Variants in SNX29 observed in about 807,000 individuals in gnomAD.
The protein encoded by SNX29 is sorting nexin-29.
SNX29 carries 78 observed loss-of-function variants against 102.1 expected under a neutral mutation model. That is an observed-to-expected ratio of 0.76 (90% CI 0.64 to 0.92). The LOEUF is 0.92. Ranked by LOEUF, SNX29 falls within the 40% of genes least tolerant of loss-of-function variation. The pLI, the probability that SNX29 is intolerant of heterozygous loss-of-function variation, is 0.00. For missense variants in SNX29, 1,280 were observed against 1,061.7 expected (o/e 1.21, Z -2.86); for synonymous variants, 580 against 414.5 (o/e 1.40, Z -4.85).
rs1360163433 is a variant in SNX29, at chr16:11,990,628, C to T, written c.8-8669C>T. The stretch of plus-strand genomic sequence containing the variant: ...ACTAAAGTCATCATTGGGCTGGTAG[C>T]GCCGGGCATCCCAGATGCCCGCCAG... On this transcript the variant is annotated intron_variant, in intron 1 of 20. Transcript: ENST00000566228. Among the ~76,000 whole-genome samples, 9 of 152,160 alleles carry T rather than the reference C, an allele frequency of 5.9e-5. No homozygotes were observed. In the East Asian group the frequency reaches 1.5e-3, roughly 26 times the overall value.
intron 14 of SNX29, among the ~76,000 whole-genome samples, chr16:12,208,635 G>A: frequency 6.6e-6 from 1 of 152,100 alleles, no homozygotes; most frequent in Admixed American, 6.5e-5. Flanking sequence ...CTGTGCCACT[G>A]CACTGTAGTC....
At chr16:12,565,044 C>T (rs761524431) in intron 20 of SNX29, among the ~76,000 whole-genome samples, 21 of 152,110 alleles carry the variant, frequency 1.4e-4, no homozygotes, top group Non-Finnish European at 2.5e-4. Flanking sequence ...CTGGCACTGG[C>T]TTCATTCCCC....
intron 3 of SNX29, among the ~76,000 whole-genome samples, chr16:12,022,919 C>G (rs1940968321): frequency 7.1e-6 from 1 of 140,118 alleles, no homozygotes; most frequent in Non-Finnish European, 1.5e-5. Flanking sequence ...TTTTTTGAGA[C>G]CAAGTCTCTC....
Position 12,572,546 on chromosome 16 carries a change from C to G in SNX29, c.*3917C>G. ...AAGCCCCCACAGGGGGCTGCGACAC[C>G]ATCTGGCTCCTCACAGGGAGGTCCA... On this transcript the variant is annotated 3_prime_UTR_variant, in exon 21 of 21. Transcript: ENST00000566228. The G allele has an allele frequency of 9.4e-7, 1 of 1,063,540 alleles. No individual in the cohort carries two copies. Among genetic ancestry groups the G allele is most frequent in the Non-Finnish European group, 1.1e-6 (1 of 878,128 alleles). 65.9% of individuals were successfully genotyped at this position (1,063,540 alleles called of 1,614,324 possible).
intron 13 of SNX29, among the ~76,000 whole-genome samples, chr16:12,186,678 G>A (rs1164488142): frequency 6.6e-6 from 1 of 152,176 alleles, no homozygotes; most frequent in South Asian, 2.1e-4. Context: ...TTAATCTGGG[G>A]AACACCTCCA....
chr16:12,168,003 C>A (rs1015203221), intron 13 of SNX29, among the ~76,000 whole-genome samples: 1 of 152,186 alleles, frequency 6.6e-6, no homozygotes, highest in East Asian at 1.9e-4. Context: ...TCAGCCAGCA[C>A]GCTGCGCTGG....
At chr16:12,313,126 G>T (rs1400901521) in intron 15 of SNX29, among the ~76,000 whole-genome samples, 2 of 151,976 alleles carry the variant, frequency 1.3e-5, no homozygotes, top group Admixed American at 1.3e-4. Context: ...TGATTCTCCT[G>T]CCTCAGCCTC....
At chr16:12,094,871 A>T (rs1343573351) in intron 11 of SNX29, among the ~76,000 whole-genome samples, 1 of 151,762 alleles carries the variant, frequency 6.6e-6, no homozygotes, top group Admixed American at 6.6e-5. Flanking sequence ...CTTTTTTTTT[A>T]AAACCTCTCG....
At chr16:12,555,588 G>C (rs545975765) in intron 20 of SNX29, among the ~76,000 whole-genome samples, 36 of 151,756 alleles carry the variant, frequency 2.4e-4, no homozygotes, top group Non-Finnish European at 4.0e-4. Context: ...ATTTCTCCCT[G>C]TACCCAGCAG....
intron 3 of SNX29, among the ~76,000 whole-genome samples, chr16:12,009,648 C>T (rs1258911654): frequency 5.3e-5 from 8 of 151,952 alleles, no homozygotes; most frequent in African/African-American, 1.5e-4. Context: ...TGGTGGCAGC[C>T]GCTGGGCTCT....
At chr16:12,550,089 C>G (rs187107048) in intron 20 of SNX29, among the ~76,000 whole-genome samples, 1 of 152,176 alleles carries the variant, frequency 6.6e-6, no homozygotes, top group Non-Finnish European at 1.5e-5. Flanking sequence ...AGTTTGCCAA[C>G]CTATGGGCTA....
chr16:12,231,698 TC>T (rs1217598844), intron 14 of SNX29, among the ~76,000 whole-genome samples: 1 of 152,170 alleles, frequency 6.6e-6, no homozygotes, highest in Non-Finnish European at 1.5e-5. Flanking sequence ...TTTTCTGACT[TC>T]TGTTTCGGGT....
chr16:12,524,787 A>C lies in SNX29; in HGVS notation c.2264A>C (p.Glu755Ala). Residue 755 changes from glutamate to alanine, a missense_variant, in exon 20 of 21, where the codon GAG becomes GCG. Coordinates refer to ENST00000566228, the MANE Select transcript of SNX29 (RefSeq NM_032167.5). ...VMNKVIQMVP[E>A]FAASPKKETL... ...AACAAAGTCATCCAGATGGTCCCCG[A>C]GTTCGCTGCCAGCCCCAAGAAGGAG... The C allele has an allele frequency of 6.2e-7, 1 of 1,613,796 alleles. No homozygotes were observed. Among genetic ancestry groups the C allele is most frequent in the Non-Finnish European group, 8.5e-7 (1 of 1,179,816 alleles).
At chr16:12,423,718 G>T (rs756585641) in intron 18 of SNX29, among the ~76,000 whole-genome samples, 1 of 152,084 alleles carries the variant, frequency 6.6e-6, no homozygotes, top group Non-Finnish European at 1.5e-5. Flanking sequence ...TTACAGGCGC[G>T]CACCACCAAG....
intron 16 of SNX29, among the ~76,000 whole-genome samples, chr16:12,379,147 G>T (rs951989235): frequency 1.3e-5 from 2 of 152,116 alleles, no homozygotes; most frequent in African/African-American, 4.8e-5. Context: ...AATAGATAAT[G>T]AACTTATTTA....
At chr16:12,169,233 C>A (rs116704928) in intron 13 of SNX29, among the ~76,000 whole-genome samples, 173 of 152,320 alleles carry the variant, frequency 1.1e-3, no homozygotes, top group African/African-American at 4.1e-3. Context: ...CCTGACAAAG[C>A]TTCAGGGAGG....
intron 18 of SNX29, among the ~76,000 whole-genome samples, chr16:12,458,176 G>A (rs4081672): frequency 2.0e-5 from 3 of 152,206 alleles, no homozygotes; most frequent in Non-Finnish European, 4.4e-5. Context: ...AGAAACCTCA[G>A]GCCCATTGGG....
intron 5 of SNX29, among the ~76,000 whole-genome samples, chr16:12,044,340 G>A (rs893271797): frequency 1.2e-4 from 18 of 152,116 alleles, no homozygotes; most frequent in African/African-American, 4.3e-4. Context: ...TAATGTCTCA[G>A]ATCTTCTGGG....
intron 14 of SNX29, among the ~76,000 whole-genome samples, chr16:12,213,498 A>G (rs1269333943): frequency 6.6e-6 from 1 of 152,164 alleles, no homozygotes; most frequent in Non-Finnish European, 1.5e-5. Flanking sequence ...AATAAAATTA[A>G]AAACAACATT....
Sources: gnomAD v4.1 joint callset for allele counts (sites outside exome capture counted in the v4.1 genomes callset) on GRCh38, gnomAD v4.1.1 for gene constraint, MANE v1.5 for transcripts, NCBI Gene and HGNC (gene_info 2026-07-23, HGNC 2026-07-21) for gene names.